Variants in GFPT2 observed in about 807,000 individuals in gnomAD.
GFPT2 encodes the protein glutamine--fructose-6-phosphate transaminase 2, also known as glutamine--fructose-6-phosphate aminotransferase [isomerizing] 2.
Under a neutral mutation model 85.6 loss-of-function variants are expected in GFPT2, and 62 were observed. That is an observed-to-expected ratio of 0.72 (90% CI 0.59 to 0.90). The LOEUF (loss-of-function observed/expected upper bound fraction) is 0.90. Ranked by LOEUF, GFPT2 falls within the 40% of genes least tolerant of loss-of-function variation. The pLI is 0.00. For missense variants in GFPT2, 788 were observed against 893.4 expected, an observed-to-expected ratio of 0.88 and a Z score of 1.50; for synonymous variants, 368 against 344.5, an observed-to-expected ratio of 1.07 and a Z score of -0.75.
intron 4 of GFPT2, among the ~76,000 whole-genome samples, chr5:180,332,325 G>A (rs1026499857): frequency 2.0e-5 from 3 of 152,122 alleles, no homozygotes; most frequent in African/African-American, 4.8e-5. Flanking sequence ...TGAATAGCCC[G>A]CATATGAGTG....
chr5:180,313,239 G>A (rs11744073), intron 14 of GFPT2, among the ~76,000 whole-genome samples: 28,194 of 151,928 alleles, frequency 0.19, 2,847 homozygotes, highest in East Asian at 0.35. Context: ...TGCTCAAAGA[G>A]CCACAGGACA....
intron 2 of GFPT2, among the ~76,000 whole-genome samples, chr5:180,338,213 C>G (rs1764440677): frequency 6.6e-6 from 1 of 152,196 alleles, no homozygotes; most frequent in Non-Finnish European, 1.5e-5. Context: ...CTGTCCAGGA[C>G]TTACTCATGC....
chr5:180,301,385 G>T lies in GFPT2; in HGVS notation c.*179C>A. 1.6e-6 allele frequency: 1 copy of T among 637,876 alleles called. No homozygotes were observed. Among genetic ancestry groups the T allele is most frequent in the Non-Finnish European group, 2.8e-6 (1 of 351,648 alleles). The allele number at this position is 637,876 out of a possible 1,614,324, so 39.5% of individuals were successfully genotyped here. On this transcript the variant is annotated 3_prime_UTR_variant, in exon 19 of 19. Coordinates refer to ENST00000253778, the MANE Select transcript of GFPT2 (RefSeq NM_005110.4). ...TCCTCTGGCGACTTCAGGACACAGA[G>T]AAACAGTATCTGCTGTAAGCAAAAG... is the stretch of plus-strand genomic sequence containing the variant.
chr5:180,321,675 T>C (rs950620463), intron 9 of GFPT2, among the ~76,000 whole-genome samples: 4 of 152,268 alleles, frequency 2.6e-5, no homozygotes, highest in Admixed American at 2.6e-4. Flanking sequence ...TTTCTCAGCA[T>C]GTGTTGTCTT....
intron 4 of GFPT2, 107 bp from the exon 5 acceptor site, chr5:180,331,660 A>G: frequency 1.4e-6 from 1 of 732,072 alleles, no homozygotes; most frequent in East Asian, 2.6e-5. Context: ...CCAGGCCTCA[A>G]GACTTCTGTT....
intron 1 of GFPT2, among the ~76,000 whole-genome samples, chr5:180,340,878 C>T (rs932447514): frequency 6.6e-6 from 1 of 152,158 alleles, no homozygotes; most frequent in Non-Finnish European, 1.5e-5. Flanking sequence ...ACCTAATCGC[C>T]TCCCCAAGGC....
intron 3 of GFPT2, 196 bp downstream of exon 3, chr5:180,336,283 T>C (rs1764392862): frequency 3.3e-6 from 2 of 614,464 alleles, no homozygotes; most frequent in East Asian, 2.7e-5. Context: ...AAAAAAATTA[T>C]CCATGCGCCG....
intron 7 of GFPT2, among the ~76,000 whole-genome samples, chr5:180,327,285 AC>A (rs1764225700): frequency 6.6e-6 from 1 of 151,978 alleles, no homozygotes; most frequent in Admixed American, 6.6e-5. Flanking sequence ...TGTCCATACC[AC>A]CTTGCTCACC....
chr5:180,318,496 G>T lies in GFPT2; in HGVS notation c.958+297C>A. 2.7e-6 allele frequency: 1 copy of T among 365,944 alleles called. No individual in the cohort carries two copies. Among genetic ancestry groups the T allele is most frequent in the Non-Finnish European group, 5.1e-6 (1 of 195,296 alleles). 22.7% of individuals were successfully genotyped at this position (365,944 alleles called of 1,614,324 possible). On this transcript the variant is annotated intron_variant, in intron 10 of 18. Coordinates refer to ENST00000253778, the MANE Select transcript of GFPT2 (RefSeq NM_005110.4). The surrounding 1 kb of genome is among the most constrained non-coding windows in gnomAD (Gnocchi z 4.2). The stretch of plus-strand genomic sequence containing the variant: ...TCCACCCAGAGGAGAAATGATGCCT[G>T]AGGGTGGGCATGTGTCCCGCGGAGT...
intron 17 of GFPT2, among the ~76,000 whole-genome samples, chr5:180,304,044 T>C (rs1763731935): frequency 6.6e-6 from 1 of 152,136 alleles, no homozygotes; most frequent in Admixed American, 6.5e-5. Context: ...CACTCCATCC[T>C]GCCTACTTAA....
At chr5:180,315,857 C>G (rs182632026) in intron 13 of GFPT2, among the ~76,000 whole-genome samples, 1 of 152,298 alleles carries the variant, frequency 6.6e-6, no homozygotes, top group East Asian at 1.9e-4. Flanking sequence ...GGAGCACTGT[C>G]TCCCCCACAC....
At chr5:180,307,354 G>A (rs1763802924) in intron 15 of GFPT2, 51 bp from the exon 16 acceptor site, 2 of 1,596,366 alleles carry the variant, frequency 1.3e-6, no homozygotes, top group Non-Finnish European at 1.7e-6. Context: ...CGACTTTAAA[G>A]CAATATTCAT....
At chr5:180,336,247 A>G (rs763733220) in intron 3 of GFPT2, 1 of 583,592 alleles carries the variant, frequency 1.7e-6, no homozygotes, top group Non-Finnish European at 3.0e-6. Flanking sequence ...AATTAAAATA[A>G]CTACTGTATG....
Position 180,316,823 on chromosome 5 carries a change from G to C in GFPT2, c.1093C>G (p.Arg365Gly), listed in dbSNP as rs376764676. 3 of 1,613,976 alleles carry C rather than the reference G, an allele frequency of 1.9e-6. No homozygotes were observed. Among genetic ancestry groups the C allele is most frequent in the African/African-American group, 1.3e-5 (1 of 75,008 alleles). Residue 365 changes from arginine to glycine, a missense_variant, in exon 12 of 19, where the codon CGA (arginine) becomes GGA (glycine). By Grantham distance (125) the Arg-to-Gly change is moderately radical. Coordinates refer to ENST00000253778, the MANE Select transcript of GFPT2 (RefSeq NM_005110.4). The stretch of plus-strand genomic sequence containing the variant: ...ATCACGATGAGCCGTCGGCATCGTC[G>C]AATCTCCTTCAAGTGGTCCTTCAAG... ...GGLKDHLKEI[R>G]RCRRLIVIGC...
intron 16 of GFPT2, 122 bp downstream of exon 16, chr5:180,307,054 G>A (rs963677125): frequency 1.3e-6 from 1 of 746,070 alleles, no homozygotes; most frequent in East Asian, 2.7e-5. Context: ...TCACAGGACT[G>A]GCCAAGGGGT....
At chr5:180,311,213 C>T (rs888924) in intron 15 of GFPT2, among the ~76,000 whole-genome samples, 27,279 of 152,192 alleles carry the variant, frequency 0.18, 2,758 homozygotes, top group East Asian at 0.35. Context: ...ATGTCCTGTC[C>T]GCAGTGAGCG....
Position 180,324,893 on chromosome 5 carries a change from C to A in GFPT2, c.599G>T (p.Arg200Ile), listed in dbSNP as rs1424978328. The A allele has an allele frequency of 6.2e-7, 1 of 1,604,598 alleles. No homozygotes were observed. Among genetic ancestry groups the A allele is most frequent in the East Asian group, 2.2e-5 (1 of 44,848 alleles). ...HYPGEAVATR[R>I]GSPLLIGVRS... ...GACTCCGATGAGCAGGGGGCTGCCT[C>A]TCCTGTAGGGAGAAAGAGGCATCCC... Residue 200 changes from arginine to isoleucine, a missense_variant and splice_region_variant, in exon 8 of 19, where the codon AGA (arginine) becomes ATA (isoleucine). Coordinates refer to ENST00000253778, the MANE Select transcript of GFPT2 (RefSeq NM_005110.4).
chr5:180,347,312 G>C (rs550254632), intron 1 of GFPT2, among the ~76,000 whole-genome samples: 26 of 152,250 alleles, frequency 1.7e-4, no homozygotes, highest in Non-Finnish European at 3.5e-4. Context: ...GGAGAGCCCA[G>C]GTGGCTTGGA....
intron 7 of GFPT2, among the ~76,000 whole-genome samples, chr5:180,327,493 T>C (rs1426586582): frequency 6.6e-6 from 1 of 152,188 alleles, no homozygotes; most frequent in African/African-American, 2.4e-5. Flanking sequence ...TACCTGCCAT[T>C]GCCCCCCTGC....
Sources: gnomAD v4.1 joint callset for allele counts (sites outside exome capture counted in the v4.1 genomes callset) on GRCh38, gnomAD v4.1.1 for gene constraint, Gnocchi (gnomAD v3.1) non-coding constraint, MANE v1.5 for transcripts, NCBI Gene and HGNC (gene_info 2026-07-23, HGNC 2026-07-21) for gene names.